SLC10A7: variants seen among roughly 807,000 people sequenced by gnomAD.
SLC10A7 encodes sodium/bile acid cotransporter 7.
SLC10A7 carries 29 observed loss-of-function variants against 43.2 expected under a neutral mutation model. The observed-to-expected ratio is 0.67, with a 90% CI of 0.50 to 0.92. SLC10A7 has a LOEUF of 0.92. Among genes scored for constraint, SLC10A7 ranks in the 40% least tolerant of loss-of-function variants. SLC10A7 has a pLI of 0.00. For missense variants in SLC10A7, 295 were observed against 403.2 expected (o/e 0.73, Z 2.30); for synonymous variants, 152 against 144.8 (o/e 1.05, Z -0.35).
chr4:146,299,707 C>A (rs1242408724), intron 7 of SLC10A7, among the ~76,000 whole-genome samples: 4 of 152,072 alleles, frequency 2.6e-5, no homozygotes, highest in African/African-American at 9.7e-5. Context: ...GATAAGGTAA[C>A]AATCCCTTTG....
intron 5 of SLC10A7, among the ~76,000 whole-genome samples, chr4:146,341,132 T>C (rs1363697903): frequency 1.3e-5 from 2 of 151,850 alleles, no homozygotes; most frequent in African/African-American, 2.4e-5. Context: ...TAGTTAGGAA[T>C]TGAATATATG....
At chr4:146,494,494 A>C (rs548801876) in intron 4 of SLC10A7, among the ~76,000 whole-genome samples, 2 of 152,366 alleles carry the variant, frequency 1.3e-5, no homozygotes, top group African/African-American at 4.8e-5. Flanking sequence ...ACAGGAATCT[A>C]GCAGGGCTAA....
chr4:146,257,865 G>C (rs985730903), intron 11 of SLC10A7, among the ~76,000 whole-genome samples: 1 of 152,174 alleles, frequency 6.6e-6, no homozygotes, highest in Non-Finnish European at 1.5e-5. Context: ...CACACACAGT[G>C]CTCAATAGGT....
At chr4:146,274,232 C>T (rs1050832087) in intron 10 of SLC10A7, among the ~76,000 whole-genome samples, 3 of 130,176 alleles carry the variant, frequency 2.3e-5, no homozygotes, top group Admixed American at 8.7e-5. Context: ...GAGACGGAGT[C>T]TCACTCTGTC....
intron 6 of SLC10A7, among the ~76,000 whole-genome samples, chr4:146,312,111 A>G (rs532655263): frequency 1.6e-4 from 24 of 152,272 alleles, no homozygotes; most frequent in African/African-American, 5.8e-4. Context: ...TATTGTGTGG[A>G]AAGTATATGT....
intron 5 of SLC10A7, among the ~76,000 whole-genome samples, chr4:146,430,156 G>A (rs1729666618): frequency 6.6e-6 from 1 of 151,982 alleles, no homozygotes; most frequent in African/African-American, 2.4e-5. Flanking sequence ...TTAACAAACA[G>A]GAGAGGGTGA....
At chr4:146,343,397 A>T (rs1734402846) in intron 5 of SLC10A7, among the ~76,000 whole-genome samples, 1 of 152,046 alleles carries the variant, frequency 6.6e-6, no homozygotes. Context: ...CCTGTGGGCC[A>T]CTCATCTGTG....
intron 4 of SLC10A7, among the ~76,000 whole-genome samples, chr4:146,489,588 T>C (rs1735214667): frequency 6.6e-6 from 1 of 152,192 alleles, no homozygotes; most frequent in Admixed American, 6.5e-5. Flanking sequence ...GTGCAAGGGG[T>C]AGCAGCTCAC....
intron 5 of SLC10A7, among the ~76,000 whole-genome samples, chr4:146,356,574 G>GAC (rs34496192): frequency 0.25 from 37,639 of 150,274 alleles, 5,173 homozygotes; most frequent in African/African-American, 0.39. Flanking sequence ...ACAACAGACA[G>GAC]ACACACACAC....
intron 4 of SLC10A7, among the ~76,000 whole-genome samples, chr4:146,485,303 T>C (rs956630876): frequency 7.9e-5 from 12 of 152,170 alleles, no homozygotes; most frequent in Non-Finnish European, 1.0e-4. Flanking sequence ...CAAATAAAGC[T>C]GCAGTGATTC....
rs141559441 is a variant in SLC10A7 at position 146,266,029 on chromosome 4, G to A, written c.848-7192C>T. 5.4e-3 allele frequency among the ~76,000 whole-genome samples: 828 copies of A among 152,182 alleles called. 9 individuals carry two copies. Among genetic ancestry groups the A allele is most frequent in the African/African-American group, 0.018 (765 of 41,524 alleles). ...TTTCTTGTCTTTCAAAGATTCATTC[G>A]CCTGAATTTACATGACTTGTTTTCC... is the stretch of plus-strand genomic sequence containing the variant. On this transcript the variant is annotated intron_variant, in intron 10 of 11. Coordinates refer to ENST00000335472, the MANE Select transcript of SLC10A7 (RefSeq NM_001029998.6).
intron 4 of SLC10A7, among the ~76,000 whole-genome samples, chr4:146,475,593 T>C (rs777453635): frequency 1.3e-5 from 2 of 152,160 alleles, no homozygotes; most frequent in Non-Finnish European, 2.9e-5. Flanking sequence ...ACTATCACTT[T>C]GCAACCTCAG....
chr4:146,480,779 A>T (rs1289892825), intron 4 of SLC10A7, among the ~76,000 whole-genome samples: 1 of 152,132 alleles, frequency 6.6e-6, no homozygotes, highest in Non-Finnish European at 1.5e-5. Context: ...CGATAATTGA[A>T]AGCAACCAGA....
intron 5 of SLC10A7, among the ~76,000 whole-genome samples, chr4:146,328,811 T>A (rs539626221): frequency 6.6e-6 from 1 of 152,014 alleles, no homozygotes; most frequent in Non-Finnish European, 1.5e-5. Context: ...GATATATCTA[T>A]AGGAAAAATT....
intron 5 of SLC10A7, among the ~76,000 whole-genome samples, chr4:146,382,011 C>T (rs1737659790): frequency 6.6e-6 from 1 of 151,736 alleles, no homozygotes; most frequent in Admixed American, 6.6e-5. Flanking sequence ...AAATGTCTCC[C>T]AATCTTAGAG....
chr4:146,256,698 C>T, intron 11 of SLC10A7, 178 bp from the exon 12 acceptor site: 4 of 973,876 alleles, frequency 4.1e-6, no homozygotes, highest in Non-Finnish European at 6.0e-6. Flanking sequence ...ACCTCTCTGG[C>T]CAGCAGACTT....
intron 5 of SLC10A7, among the ~76,000 whole-genome samples, chr4:146,384,123 G>C (rs1737826467): frequency 6.6e-6 from 1 of 152,014 alleles, no homozygotes; most frequent in Non-Finnish European, 1.5e-5. Context: ...TTATATTCCT[G>C]CTCTCAAAAA....
At chr4:146,280,759 A>G (rs1431694009) in intron 10 of SLC10A7, among the ~76,000 whole-genome samples, 1 of 152,124 alleles carries the variant, frequency 6.6e-6, no homozygotes, top group East Asian at 1.9e-4. Context: ...TCTGTCTGAG[A>G]TAAGGGAAGC....
At chr4:146,375,013 C>A (rs1386586183) in intron 5 of SLC10A7, among the ~76,000 whole-genome samples, 1 of 152,020 alleles carries the variant, frequency 6.6e-6, no homozygotes, top group Non-Finnish European at 1.5e-5. Context: ...CGAGACTAGC[C>A]TGGCAAACAT....
Sources: allele counts gnomAD v4.1 joint callset (sites outside exome capture counted in the v4.1 genomes callset), GRCh38; gene constraint gnomAD v4.1.1; transcripts MANE v1.5; gene names NCBI Gene and HGNC (gene_info 2026-07-23, HGNC 2026-07-21).